Variants in GNB4 observed in about 807,000 individuals in gnomAD.
The protein encoded by GNB4 is G protein subunit beta 4.
Under a neutral mutation model 45.2 loss-of-function variants are expected in GNB4, and 28 were observed. The observed-to-expected ratio is 0.62, with a 90% CI of 0.46 to 0.85. GNB4 has a LOEUF of 0.85. Among genes scored for constraint, GNB4 ranks in the 40% least tolerant of loss-of-function variants. The probability of loss-of-function intolerance (pLI) is 0.00; values close to 1 mark genes in which losing one functional copy is unlikely to be tolerated. For missense variants in GNB4, 321 were observed against 425.4 expected (o/e 0.75, Z 2.16); for synonymous variants, 132 against 143.7 (o/e 0.92, Z 0.58).
chr3:179,497,280 A>G, the GNB4 span, among the ~76,000 whole-genome samples: 4 of 152,274 alleles, frequency 2.6e-5, no homozygotes, highest in African/African-American at 9.6e-5. Flanking sequence ...AGTAAATTAT[A>G]TTGGAAAAAC....
intron 8 of GNB4, among the ~76,000 whole-genome samples, chr3:179,412,559 G>A (rs1420091644): frequency 6.6e-6 from 1 of 152,162 alleles, no homozygotes; most frequent in African/African-American, 2.4e-5. Context: ...ATTCTCTGAT[G>A]TAGGTGGTAT....
chr3:179,426,612 A>T (rs1051881960), intron 1 of GNB4, among the ~76,000 whole-genome samples: 2 of 151,598 alleles, frequency 1.3e-5, no homozygotes, highest in African/African-American at 4.9e-5. Flanking sequence ...ACTGAACCCC[A>T]CCCCACCCCC....
the GNB4 span, among the ~76,000 whole-genome samples, chr3:179,494,262 GAAGA>G: frequency 0.11 from 16,223 of 149,772 alleles, 1,121 homozygotes; most frequent in Admixed American, 0.18. Flanking sequence ...AAGAAGAAAG[GAAGA>G]AAGAAAGAAA....
chr3:179,479,532 A>G, the GNB4 span, among the ~76,000 whole-genome samples: 3 of 152,236 alleles, frequency 2.0e-5, no homozygotes, highest in Admixed American at 6.5e-5. Context: ...AAGAGCCCAA[A>G]CAAGAATAAT....
chr3:179,451,129 G>C (rs1403780380), intron 1 of GNB4: 1 of 152,128 alleles, frequency 6.6e-6, no homozygotes, highest in African/African-American at 2.4e-5. Context: ...CGTGGGGCCA[G>C]TTCCCGCGTG....
the GNB4 span, among the ~76,000 whole-genome samples, chr3:179,478,091 G>A: frequency 3.0e-4 from 46 of 152,242 alleles, no homozygotes; most frequent in African/African-American, 9.6e-4. Flanking sequence ...GATATTTTCT[G>A]GAAGAAGACA....
Position 179,396,884 on chromosome 3 carries a change from A to G in GNB4, c.*4329T>C, listed in dbSNP as rs1377907377. ...AACCCAAAATGAACAATGGAAAGAA[A>G]ACTAGTAAATCTGAAATGTACTTCA... On this transcript the variant is annotated 3_prime_UTR_variant, in exon 10 of 10. Transcript: ENST00000232564. 1 of 152,244 alleles carries G rather than the reference A, an allele frequency of 6.6e-6. No individual in the cohort carries two copies. The allele number at this position is 152,244 out of a possible 1,614,324, so 9.4% of individuals were successfully genotyped here.
At chr3:179,512,838 TAG>T in the GNB4 span, among the ~76,000 whole-genome samples, 1 of 152,208 alleles carries the variant, frequency 6.6e-6, no homozygotes, top group Non-Finnish European at 1.5e-5. Flanking sequence ...CAGCTTTGCG[TAG>T]ATAATCCTAA....
chr3:179,523,754 G>A, the GNB4 span, among the ~76,000 whole-genome samples: 1 of 152,094 alleles, frequency 6.6e-6, no homozygotes, highest in South Asian at 2.1e-4. Flanking sequence ...GGAGGGAGTA[G>A]AGGGGTCCCA....
chr3:179,516,895 T>C, the GNB4 span, among the ~76,000 whole-genome samples: 4 of 152,180 alleles, frequency 2.6e-5, no homozygotes, highest in African/African-American at 9.7e-5. Context: ...CGCTGAGTGA[T>C]GGGATCTGAT....
rs1395227388 is a variant in GNB4, at chr3:179,401,280, C to T, written c.956G>A (p.Gly319Asp). ...AGHDNRVSCL[G>D]VTDDGMAVAT... ...CACAGCCATGCCATCATCAGTTACA[C>T]CTAAGCAGCTCACACGGTTGTCATG... Residue 319 changes from glycine (G) to aspartate (D), a missense_variant, in exon 10 of 10, where the codon GGT (glycine) becomes GAT (aspartate). By Grantham distance (94) the Gly-to-Asp change is moderately conservative. Coordinates refer to ENST00000232564, the MANE Select transcript of GNB4 (RefSeq NM_021629.4). The T allele has an allele frequency of 6.2e-7, 1 of 1,613,690 alleles. No homozygotes were observed. Among genetic ancestry groups the T allele is most frequent in the Non-Finnish European group, 8.5e-7 (1 of 1,179,916 alleles).
the GNB4 span, among the ~76,000 whole-genome samples, chr3:179,521,404 G>A: frequency 1.3e-5 from 2 of 152,306 alleles, no homozygotes; most frequent in South Asian, 4.1e-4. Flanking sequence ...TCCTCGGAAT[G>A]CTACAGGGTA....
At chr3:179,424,860 A>G (rs1715098127) in intron 2 of GNB4, among the ~76,000 whole-genome samples, 1 of 152,128 alleles carries the variant, frequency 6.6e-6, no homozygotes, top group Non-Finnish European at 1.5e-5. Context: ...CTCCCGCCTC[A>G]GCCTTCCAAA....
chr3:179,432,755 G>A (rs1715342885), intron 1 of GNB4, among the ~76,000 whole-genome samples: 1 of 152,152 alleles, frequency 6.6e-6, no homozygotes, highest in African/African-American at 2.4e-5. Context: ...GGGAAGGGCA[G>A]GTTTTTAAGG....
chr3:179,413,921 A>C (rs2108589707), intron 6 of GNB4, 140 bp from the exon 7 acceptor site: 1 of 669,112 alleles, frequency 1.5e-6, no homozygotes, highest in East Asian at 2.7e-5. Context: ...TTCTACTTTT[A>C]GTTACTTCAA....
the GNB4 span, among the ~76,000 whole-genome samples, chr3:179,516,043 C>T: frequency 6.6e-6 from 1 of 152,256 alleles, no homozygotes; most frequent in African/African-American, 2.4e-5. Context: ...ATTGGGAAGA[C>T]CCAGGACATC....
chr3:179,525,041 G>A, the GNB4 span, among the ~76,000 whole-genome samples: 1 of 151,776 alleles, frequency 6.6e-6, no homozygotes, highest in Non-Finnish European at 1.5e-5. Flanking sequence ...AGAAAAGGAG[G>A]ATTCAAAGGA....
chr3:179,468,796 T>C, the GNB4 span, among the ~76,000 whole-genome samples: 3 of 152,106 alleles, frequency 2.0e-5, no homozygotes, highest in African/African-American at 7.2e-5. Flanking sequence ...TGGGAAAAAA[T>C]TTACATTCTA....
the GNB4 span, among the ~76,000 whole-genome samples, chr3:179,508,277 A>C: frequency 6.6e-6 from 1 of 152,144 alleles, no homozygotes; most frequent in Non-Finnish European, 1.5e-5. Flanking sequence ...GTGAGCCACC[A>C]TGGCTGGCTG....
Sources: allele counts gnomAD v4.1 joint callset (sites outside exome capture counted in the v4.1 genomes callset), GRCh38; gene constraint gnomAD v4.1.1; transcripts MANE v1.5; gene names NCBI Gene and HGNC (gene_info 2026-07-23, HGNC 2026-07-21).